The following PLPP1 variants were observed in gnomAD, a reference collection of about 807,000 sequenced individuals.
PLPP1 encodes lipid phosphate phosphohydrolase 1a.
PLPP1 carries 24 observed loss-of-function variants against 31.2 expected under a neutral mutation model. That is an observed-to-expected ratio of 0.77 (90% CI 0.56 to 1.08). The LOEUF is 1.08. Ranked by LOEUF, PLPP1 falls within the 50% of genes least tolerant of loss-of-function variation. The pLI, the probability that PLPP1 is intolerant of heterozygous loss-of-function variation, is 0.00. For synonymous variants in PLPP1, 146 were observed against 126.3 expected (o/e 1.16, Z -1.05); for missense variants, 319 against 342.7 (o/e 0.93, Z 0.55).
intron 1 of PLPP1, among the ~76,000 whole-genome samples, chr5:55,507,573 G>T (rs1178354166): frequency 6.6e-6 from 1 of 152,134 alleles, no homozygotes; most frequent in Non-Finnish European, 1.5e-5. Flanking sequence ...CTTATGCCAC[G>T]ACAGCATGCT....
chr5:55,459,035 G>T (rs1369289199), intron 3 of PLPP1, among the ~76,000 whole-genome samples: 3 of 149,790 alleles, frequency 2.0e-5, no homozygotes, highest in Non-Finnish European at 3.0e-5. Context: ...ACTATATATT[G>T]TCTCTAAAAG....
chr5:55,507,740 G>C (rs552067532), intron 1 of PLPP1, among the ~76,000 whole-genome samples: 1 of 152,230 alleles, frequency 6.6e-6, no homozygotes, highest in South Asian at 2.1e-4. Flanking sequence ...GGGTTCACCT[G>C]GTCTTAGTGA....
chr5:55,425,413 A>G, intron 5 of PLPP1, 79 bp from the exon 6 acceptor site: 1 of 1,298,618 alleles, frequency 7.7e-7, no homozygotes, highest in Non-Finnish European at 1.1e-6. Flanking sequence ...CAGCATCCTA[A>G]GATAAATATA....
chr5:55,519,156 A>G (rs1229379611), intron 1 of PLPP1, among the ~76,000 whole-genome samples: 1 of 152,196 alleles, frequency 6.6e-6, no homozygotes, highest in Non-Finnish European at 1.5e-5. Flanking sequence ...ATACTGTGGG[A>G]CATAAAGTAA....
chr5:55,499,737 CAAG>C (rs1432672557), intron 1 of PLPP1, among the ~76,000 whole-genome samples: 1 of 151,778 alleles, frequency 6.6e-6, no homozygotes, highest in Non-Finnish European at 1.5e-5. Context: ...CATATATGTC[CAAG>C]AAGAATGGAA....
intron 3 of PLPP1, among the ~76,000 whole-genome samples, chr5:55,442,272 T>C (rs1263810667): frequency 6.6e-6 from 1 of 152,232 alleles, no homozygotes; most frequent in African/African-American, 2.4e-5. Flanking sequence ...TAAGTTTTAT[T>C]TTCCACTTGC....
intron 1 of PLPP1, among the ~76,000 whole-genome samples, chr5:55,475,924 G>A (rs773339733): frequency 1.5e-4 from 23 of 150,672 alleles, no homozygotes; most frequent in Non-Finnish European, 2.9e-4. Flanking sequence ...ACTCATTTCT[G>A]TATTGTCTAT....
intron 1 of PLPP1, among the ~76,000 whole-genome samples, chr5:55,479,759 T>C (rs1752633455): frequency 6.6e-6 from 1 of 152,202 alleles, no homozygotes; most frequent in Admixed American, 6.5e-5. Flanking sequence ...CTTAATCTAG[T>C]TAGAATTTCT....
At chr5:55,432,098 C>CTTTTT (rs869025950) in intron 4 of PLPP1, among the ~76,000 whole-genome samples, 24 of 7,122 alleles carry the variant, frequency 3.4e-3, no homozygotes, top group African/African-American at 4.9e-3. Context: ...TCTTTTTCTT[C>CTTTTT]TTTTTTTTTT....
At chr5:55,513,932 A>G (rs1444495801) in intron 1 of PLPP1, among the ~76,000 whole-genome samples, 1 of 152,242 alleles carries the variant, frequency 6.6e-6, no homozygotes, top group Non-Finnish European at 1.5e-5. Context: ...GTGGGGATTG[A>G]GAGCACATTT....
At chr5:55,510,799 C>T (rs1383797572) in intron 1 of PLPP1, among the ~76,000 whole-genome samples, 1 of 152,098 alleles carries the variant, frequency 6.6e-6, no homozygotes, top group African/African-American at 2.4e-5. Context: ...CTTGTGGGAG[C>T]TTGGGCAAAT....
chr5:55,519,297 T>C (rs927445073), intron 1 of PLPP1, among the ~76,000 whole-genome samples: 1 of 152,210 alleles, frequency 6.6e-6, no homozygotes, highest in African/African-American at 2.4e-5. Flanking sequence ...GAGACAACAG[T>C]TGAAAAGGAG....
intron 1 of PLPP1, among the ~76,000 whole-genome samples, chr5:55,495,531 G>C (rs1752987036): frequency 6.6e-6 from 1 of 152,124 alleles, no homozygotes; most frequent in Non-Finnish European, 1.5e-5. Flanking sequence ...TATATCAAAT[G>C]CTAAGACATC....
At chr5:55,485,044 C>T (rs1283760308) in intron 1 of PLPP1, 1 of 152,112 alleles carries the variant, frequency 6.6e-6, no homozygotes, top group Non-Finnish European at 1.5e-5. Flanking sequence ...CTTAATTTGG[C>T]TCATTCTGAT....
At chr5:55,482,666 A>G (rs182717511) in intron 1 of PLPP1, among the ~76,000 whole-genome samples, 3 of 152,362 alleles carry the variant, frequency 2.0e-5, no homozygotes, top group African/African-American at 7.2e-5. Context: ...GGAAAAGGAC[A>G]GCAAGAGAGA....
At chr5:55,514,733 C>T (rs888488458) in intron 1 of PLPP1, among the ~76,000 whole-genome samples, 4 of 151,818 alleles carry the variant, frequency 2.6e-5, no homozygotes, top group African/African-American at 9.7e-5. Flanking sequence ...TGGCAAAATA[C>T]TTATTTATTG....
intron 1 of PLPP1, among the ~76,000 whole-genome samples, chr5:55,477,865 G>A (rs62359561): frequency 0.67 from 101,427 of 151,724 alleles, 35,307 homozygotes; most frequent in Non-Finnish European, 0.78. Context: ...CTGTAGTCCC[G>A]GCTACTTAGG....
In PLPP1 at chr5:55,426,010, G is replaced by A; in HGVS notation, c.579C>T (p.Asp193=). 1 of 1,608,428 alleles carries A rather than the reference G, an allele frequency of 6.2e-7. No individual in the cohort carries two copies. The highest frequency in any genetic ancestry group is 8.5e-7 in the Non-Finnish European group (1 of 1,178,384). ...GTGTGGGGCGTAAGAGTCTTGCCCA[G>A]TCTCCCTTCATCCTGGCTTGAAGAT... ...ALYLQARMKG[D]WARLLRPTLQ... is the part of the protein sequence containing the mutation. Residue 193 remains aspartate (D), a synonymous_variant, in exon 5 of 6, where the codon GAC becomes GAT. Transcript: ENST00000307259.
intron 1 of PLPP1, among the ~76,000 whole-genome samples, chr5:55,504,644 AG>A (rs1753232062): frequency 6.6e-6 from 1 of 151,972 alleles, no homozygotes; most frequent in African/African-American, 2.4e-5. Context: ...TACACACTAA[AG>A]GTCATCTAAG....
Sources: gnomAD v4.1 joint callset for allele counts (sites outside exome capture counted in the v4.1 genomes callset) on GRCh38, gnomAD v4.1.1 for gene constraint, MANE v1.5 for transcripts, NCBI Gene and HGNC (gene_info 2026-07-23, HGNC 2026-07-21) for gene names.